WWOX: variants seen among roughly 807,000 people sequenced by gnomAD.
WWOX encodes the protein WW domain containing oxidoreductase.
WWOX carries 69 observed loss-of-function variants against 46.2 expected under a neutral mutation model. The ratio of observed to expected loss-of-function variants is 1.49; its 90% confidence interval spans 1.23 to 1.82. The LOEUF is 1.82. Among genes scored for constraint, WWOX ranks in the 40% most tolerant of loss-of-function variants. The pLI is 0.00. For synonymous variants in WWOX, 359 were observed against 202.6 expected (o/e 1.77, Z -6.56); for missense variants, 919 against 542.6 (o/e 1.69, Z -6.89).
chr16:78,646,319 G>A (rs1449304285), intron 8 of WWOX, among the ~76,000 whole-genome samples: 1 of 152,058 alleles, frequency 6.6e-6, no homozygotes, highest in African/African-American at 2.4e-5. Context: ...TGGCCTTTTG[G>A]CACCATTATT....
At chr16:78,507,643 C>G (rs529683634) in intron 8 of WWOX, among the ~76,000 whole-genome samples, 2 of 152,134 alleles carry the variant, frequency 1.3e-5, no homozygotes, top group African/African-American at 4.8e-5. Context: ...TGAGAAATGC[C>G]TTGGTCCCGT....
intron 2 of WWOX, among the ~76,000 whole-genome samples, chr16:78,108,938 A>G (rs2032322406): frequency 6.6e-6 from 1 of 152,210 alleles, no homozygotes; most frequent in Non-Finnish European, 1.5e-5. Context: ...CAGTGAGCCA[A>G]GATCACACCA....
chr16:78,976,265 T>G (rs567228566), intron 8 of WWOX, among the ~76,000 whole-genome samples: 2 of 152,366 alleles, frequency 1.3e-5, no homozygotes, highest in South Asian at 4.1e-4. Flanking sequence ...TACCAGCATC[T>G]TGTGAAACAC....
chr16:78,887,077 GGTGTGT>G (rs749992495), intron 8 of WWOX, among the ~76,000 whole-genome samples: 3,590 of 60,848 alleles, frequency 0.059, 108 homozygotes, highest in East Asian at 0.2. Context: ...GTGTGTGTGT[GGTGTGT>G]GTGTGTGTGT....
intron 8 of WWOX, among the ~76,000 whole-genome samples, chr16:78,559,602 C>G (rs566483929): frequency 1.5e-4 from 23 of 152,332 alleles, no homozygotes; most frequent in African/African-American, 5.1e-4. Context: ...TAAAGCAACA[C>G]TATTAGCAAA....
chr16:78,412,547 A>G (rs1032333519), intron 6 of WWOX, among the ~76,000 whole-genome samples: 10 of 152,156 alleles, frequency 6.6e-5, no homozygotes, highest in African/African-American at 2.2e-4. Context: ...CAAAAGAGGA[A>G]GGGTTGGAGG....
chr16:79,004,114 C>G (rs376434155), intron 8 of WWOX: 6 of 152,196 alleles, frequency 3.9e-5, no homozygotes, highest in African/African-American at 1.4e-4. Flanking sequence ...GCATACTTGT[C>G]TGTTATCTCT....
intron 8 of WWOX, among the ~76,000 whole-genome samples, chr16:79,027,059 C>T (rs2151391121): frequency 1.3e-5 from 2 of 151,560 alleles, no homozygotes; most frequent in South Asian, 4.1e-4. Context: ...GCAGGAGGAT[C>T]ACGTGAGCCC....
chr16:78,767,469 A>AGTGT (rs1216650959), intron 8 of WWOX, among the ~76,000 whole-genome samples: 66 of 114,332 alleles, frequency 5.8e-4, no homozygotes, highest in African/African-American at 2.2e-3. Context: ...TTTCTGTGTG[A>AGTGT]GTGTGTGTGT....
chr16:79,003,305 T>C (rs1282938917), intron 8 of WWOX, among the ~76,000 whole-genome samples: 1 of 152,046 alleles, frequency 6.6e-6, no homozygotes, highest in East Asian at 1.9e-4. Flanking sequence ...TCACAAGGAA[T>C]GGGAGGAACG....
intron 8 of WWOX, among the ~76,000 whole-genome samples, chr16:79,167,690 C>G (rs2050621911): frequency 6.6e-6 from 1 of 152,206 alleles, no homozygotes; most frequent in Non-Finnish European, 1.5e-5. Context: ...ACAATGACTT[C>G]AAAAACCCTT....
rs79590942 is a variant in WWOX, at chr16:78,710,253, T to C, written c.1056+277501T>C. On this transcript the variant is annotated intron_variant, in intron 8 of 8. Transcript: ENST00000566780. Reference sequence around the variant, plus strand: ...CTGGGGACTGGTTTCCTGAATGGCATTGAGAGTCATTACTTTCCACACACA... The same window carrying C: ...CTGGGGACTGGTTTCCTGAATGGCACTGAGAGTCATTACTTTCCACACACA... Among the ~76,000 whole-genome samples, 583 of 151,598 alleles carry C rather than the reference T, an allele frequency of 3.8e-3. 5 individuals carry two copies. Among genetic ancestry groups the C allele is most frequent in the African/African-American group, 0.013 (557 of 41,300 alleles).
At chr16:78,635,532 G>T (rs2046546771) in intron 8 of WWOX, among the ~76,000 whole-genome samples, 1 of 152,130 alleles carries the variant, frequency 6.6e-6, no homozygotes, top group Admixed American at 6.5e-5. Context: ...TGGCGGGTGG[G>T]GAGGGCAGAC....
chr16:78,809,912 C>A (rs2051142842), intron 8 of WWOX, among the ~76,000 whole-genome samples: 1 of 152,156 alleles, frequency 6.6e-6, no homozygotes, highest in Non-Finnish European at 1.5e-5. Flanking sequence ...TTAGCATGTT[C>A]CACACTCACC....
intron 8 of WWOX, among the ~76,000 whole-genome samples, chr16:78,709,305 C>G (rs1170579156): frequency 1.3e-5 from 2 of 152,188 alleles, no homozygotes; most frequent in Non-Finnish European, 2.9e-5. Flanking sequence ...AAGATTAACT[C>G]ATTTAACTTA....
chr16:78,250,068 C>G (rs2037942989), intron 5 of WWOX, among the ~76,000 whole-genome samples: 1 of 152,192 alleles, frequency 6.6e-6, no homozygotes, highest in Non-Finnish European at 1.5e-5. Flanking sequence ...TGGCCTTGGG[C>G]AAGCCACCCC....
intron 5 of WWOX, among the ~76,000 whole-genome samples, chr16:78,353,651 T>G (rs1490330828): frequency 6.6e-6 from 1 of 152,234 alleles, no homozygotes; most frequent in Non-Finnish European, 1.5e-5. Context: ...CCTGCAGTAA[T>G]ATTATGAAGA....
chr16:78,448,167 C>A (rs1476896930), intron 8 of WWOX, among the ~76,000 whole-genome samples: 1 of 152,140 alleles, frequency 6.6e-6, no homozygotes, highest in East Asian at 1.9e-4. Flanking sequence ...GCCCCCAATC[C>A]ATGCAATGAA....
intron 8 of WWOX, among the ~76,000 whole-genome samples, chr16:78,974,085 C>G (rs2046524877): frequency 6.6e-6 from 1 of 152,136 alleles, no homozygotes; most frequent in Non-Finnish European, 1.5e-5. Context: ...ATCTTGCATT[C>G]AAAAAGTGTA....
Sources: gnomAD v4.1 joint callset for allele counts (sites outside exome capture counted in the v4.1 genomes callset) on GRCh38, gnomAD v4.1.1 for gene constraint, MANE v1.5 for transcripts, NCBI Gene and HGNC (gene_info 2026-07-23, HGNC 2026-07-21) for gene names.